Variants in STXBP5L observed in about 807,000 individuals in gnomAD.
STXBP5L encodes syntaxin-binding protein 5-like.
Under a neutral mutation model 144.5 loss-of-function variants are expected in STXBP5L, and 65 were observed. The observed-to-expected ratio is 0.45, with a 90% CI of 0.37 to 0.55. STXBP5L has a LOEUF of 0.55. Among genes scored for constraint, STXBP5L ranks in the 20% least tolerant of loss-of-function variants. STXBP5L has a pLI of 0.00. For synonymous variants in STXBP5L, 505 were observed against 469.6 expected (o/e 1.08, Z -0.97); for missense variants, 1,298 against 1,405.5 (o/e 0.92, Z 1.22).
intron 9 of STXBP5L, among the ~76,000 whole-genome samples, chr3:121,200,168 T>C (rs1259939589): frequency 6.6e-6 from 1 of 152,230 alleles, no homozygotes; most frequent in Non-Finnish European, 1.5e-5. Flanking sequence ...GAGCTTGTTA[T>C]TGGTACATTC....
At chr3:121,007,637 C>T (rs189586905) in intron 3 of STXBP5L, among the ~76,000 whole-genome samples, 157 of 152,038 alleles carry the variant, frequency 1.0e-3, no homozygotes, top group Non-Finnish European at 1.7e-3. Flanking sequence ...CAGGAGATAA[C>T]AGGATGAGGG....
At chr3:121,365,525 A>G (rs1440045521) in intron 20 of STXBP5L, among the ~76,000 whole-genome samples, 1 of 151,364 alleles carries the variant, frequency 6.6e-6, no homozygotes, top group Non-Finnish European at 1.5e-5. Flanking sequence ...TTCAGGAATT[A>G]TTTTTTCATC....
chr3:121,092,170 G>T (rs1290002721), intron 5 of STXBP5L, among the ~76,000 whole-genome samples: 1 of 152,100 alleles, frequency 6.6e-6, no homozygotes, highest in South Asian at 2.1e-4. Flanking sequence ...TTTGGTTACT[G>T]TAGCCTTGTA....
intron 9 of STXBP5L, among the ~76,000 whole-genome samples, chr3:121,181,747 AAAAAACAAAC>A (rs1187729808): frequency 3.9e-5 from 6 of 152,136 alleles, no homozygotes; most frequent in African/African-American, 1.4e-4. Context: ...CAAAGAAAAC[AAAAAACAAAC>A]AAAAACAAAC....
Position 121,307,896 on chromosome 3 carries a change from C to T in STXBP5L, c.2111-10579C>T, listed in dbSNP as rs146631637. 4.6e-3 allele frequency among the ~76,000 whole-genome samples: 699 copies of T among 151,828 alleles called. 4 individuals are homozygous for T. The highest frequency in any genetic ancestry group is 0.016 in the African/African-American group (652 of 41,416). On this transcript the variant is annotated intron_variant, in intron 19 of 26. Coordinates refer to ENST00000471454, the MANE Select transcript of STXBP5L (RefSeq NM_001308330.2). Reference sequence around the variant, plus strand: ...GCATCATAGTAAACATGCTGAAACACGCTACAAGGCAAAAAACAAAAAGAA... The same window carrying T: ...GCATCATAGTAAACATGCTGAAACATGCTACAAGGCAAAAAACAAAAAGAA...
intron 2 of STXBP5L, among the ~76,000 whole-genome samples, chr3:120,944,141 T>C (rs1306400847): frequency 6.6e-6 from 1 of 151,342 alleles, no homozygotes; most frequent in Non-Finnish European, 1.5e-5. Flanking sequence ...GTGGGAAGTA[T>C]GCTTGTATGT....
chr3:120,954,039 C>G (rs1186491027), intron 2 of STXBP5L, among the ~76,000 whole-genome samples: 1 of 152,106 alleles, frequency 6.6e-6, no homozygotes, highest in African/African-American at 2.4e-5. Flanking sequence ...ATTCTTACCA[C>G]TAATATTTGA....
intron 14 of STXBP5L, among the ~76,000 whole-genome samples, chr3:121,249,615 A>G (rs2108359633): frequency 6.6e-6 from 1 of 152,260 alleles, no homozygotes; most frequent in Middle Eastern, 3.4e-3. Flanking sequence ...TTTTCTACAT[A>G]GCCATATAAT....
intron 2 of STXBP5L, among the ~76,000 whole-genome samples, chr3:120,914,577 C>G (rs1463787744): frequency 6.6e-6 from 1 of 152,090 alleles, no homozygotes; most frequent in East Asian, 1.9e-4. Context: ...AATACTATCT[C>G]TTCCTCAAGA....
chr3:120,970,765 T>C (rs951451114), intron 3 of STXBP5L, among the ~76,000 whole-genome samples: 5 of 152,128 alleles, frequency 3.3e-5, no homozygotes, highest in South Asian at 4.1e-4. Context: ...GCTTTCCAGG[T>C]CTTTTTCTTC....
At chr3:121,260,216 C>T (rs552851893) in intron 18 of STXBP5L, among the ~76,000 whole-genome samples, 2 of 152,116 alleles carry the variant, frequency 1.3e-5, no homozygotes, top group African/African-American at 4.8e-5. Flanking sequence ...ACATCTTTTC[C>T]TGTTTTGTGA....
chr3:121,241,856 G>A (rs2049682244), intron 14 of STXBP5L, among the ~76,000 whole-genome samples: 1 of 152,066 alleles, frequency 6.6e-6, no homozygotes, highest in Non-Finnish European at 1.5e-5. Flanking sequence ...CTTCTGAACA[G>A]TAAACACTGA....
chr3:121,065,020 C>T (rs751172993), intron 5 of STXBP5L, among the ~76,000 whole-genome samples: 1 of 151,374 alleles, frequency 6.6e-6, no homozygotes, highest in Non-Finnish European at 1.5e-5. Flanking sequence ...TACATTAATT[C>T]TTTTAGGATT....
At chr3:121,016,759 G>C (rs544027374) in intron 3 of STXBP5L, among the ~76,000 whole-genome samples, 1 of 152,102 alleles carries the variant, frequency 6.6e-6, no homozygotes, top group Non-Finnish European at 1.5e-5. Flanking sequence ...ATCTGAATAG[G>C]CCTGTATCTA....
chr3:121,378,534 A>G (rs1023433645), intron 20 of STXBP5L, among the ~76,000 whole-genome samples, 182 bp from the exon 21 acceptor site: 1 of 152,200 alleles, frequency 6.6e-6, no homozygotes, highest in Non-Finnish European at 1.5e-5. Flanking sequence ...TATCTTTTGA[A>G]ATTTTTGGCT....
At chr3:121,342,780 T>C (rs2044769926) in intron 20 of STXBP5L, among the ~76,000 whole-genome samples, 1 of 146,900 alleles carries the variant, frequency 6.8e-6, no homozygotes, top group Non-Finnish European at 1.5e-5. Context: ...AAGTCTTTGC[T>C]ATTGTGAATA....
chr3:121,257,553 C>T (rs942511558), intron 17 of STXBP5L, among the ~76,000 whole-genome samples: 1 of 152,174 alleles, frequency 6.6e-6, no homozygotes, highest in African/African-American at 2.4e-5. Context: ...CAGAAGGACT[C>T]TAAAGAAAAC....
At chr3:121,230,869 C>A (rs2049284225) in intron 11 of STXBP5L, among the ~76,000 whole-genome samples, 1 of 152,102 alleles carries the variant, frequency 6.6e-6, no homozygotes, top group Non-Finnish European at 1.5e-5. Flanking sequence ...TTTAGAGAAA[C>A]CAGAGTAGCA....
intron 5 of STXBP5L, among the ~76,000 whole-genome samples, chr3:121,068,211 T>C (rs543920814): frequency 2.6e-5 from 4 of 152,286 alleles, no homozygotes; most frequent in African/African-American, 9.6e-5. Context: ...GGTTTCACCA[T>C]GTTGGCCATG....
Sources: allele counts gnomAD v4.1 joint callset (sites outside exome capture counted in the v4.1 genomes callset), GRCh38; gene constraint gnomAD v4.1.1; transcripts MANE v1.5; gene names NCBI Gene and HGNC (gene_info 2026-07-23, HGNC 2026-07-21).